Variants in MEGF9 observed in about 807,000 individuals in gnomAD.
MEGF9 encodes multiple epidermal growth factor-like domains protein 9.
Under a neutral mutation model 46.8 loss-of-function variants are expected in MEGF9, and 6 were observed. The observed-to-expected ratio is 0.13, with a 90% CI of 0.07 to 0.25. The LOEUF (loss-of-function observed/expected upper bound fraction) is 0.25. Among genes scored for constraint, MEGF9 ranks in the 10% least tolerant of loss-of-function variants. MEGF9 has a pLI of 1.00. For missense variants in MEGF9, 683 were observed against 792.4 expected (o/e 0.86, Z 1.66); for synonymous variants, 302 against 330.7 (o/e 0.91, Z 0.94).
At chr9:120,709,186 G>A (rs959390020) in intron 1 of MEGF9, among the ~76,000 whole-genome samples, 5 of 152,222 alleles carry the variant, frequency 3.3e-5, no homozygotes, top group Middle Eastern at 3.4e-3. Flanking sequence ...CAGCACTTTC[G>A]GAGGCTGAAG....
intron 1 of MEGF9, among the ~76,000 whole-genome samples, chr9:120,662,739 T>C (rs2043708253): frequency 6.6e-6 from 1 of 152,216 alleles, no homozygotes; most frequent in Admixed American, 6.5e-5. Context: ...ATAAATGCAA[T>C]TCAGATGTTA....
At chr9:120,690,719 A>G (rs2043844436) in intron 1 of MEGF9, among the ~76,000 whole-genome samples, 1 of 152,148 alleles carries the variant, frequency 6.6e-6, no homozygotes, top group South Asian at 2.1e-4. Flanking sequence ...AGTTGTTTTC[A>G]TAGTTGCAAC....
intron 3 of MEGF9, among the ~76,000 whole-genome samples, chr9:120,620,814 G>C (rs2043496150): frequency 6.7e-6 from 1 of 150,078 alleles, no homozygotes; most frequent in Non-Finnish European, 1.5e-5. Flanking sequence ...AACGCCACAA[G>C]ATAAAACTGG....
rs1268813471 is a variant in MEGF9 at position 120,714,280 on chromosome 9, C to T, written c.79G>A (p.Ala27Thr). The T allele has an allele frequency of 1.6e-6, 2 of 1,251,638 alleles. No individual in the cohort carries two copies. Among genetic ancestry groups the T allele is most frequent in the Non-Finnish European group, 2.0e-6 (2 of 999,160 alleles). The allele number at this position is 1,251,638 out of a possible 1,614,324, so 77.5% of individuals were successfully genotyped here. A position where few individuals can be genotyped will look rare whatever the true frequency, so the allele number is the denominator to read the frequency against. Residue 27 changes from alanine to threonine, a missense_variant, in exon 1 of 6, where the codon GCC becomes ACC. Ala to Thr is a moderately conservative substitution (Grantham distance 58). Coordinates refer to ENST00000373930, the MANE Select transcript of MEGF9 (RefSeq NM_001080497.3). ...GCTGAGGCGACGGCGGCGGCGGCGGCGGCGGCGGCGCAGCACAACAGGGCG... is the reference window on the plus strand; with the variant it reads ...GCTGAGGCGACGGCGGCGGCGGCGGTGGCGGCGGCGCAGCACAACAGGGCG... ...GLALLCCAAA[A>T]AAAAVASAAS...
At chr9:120,659,278 C>T (rs10984974) in intron 2 of MEGF9, 96 bp downstream of exon 2, 576,578 of 856,198 alleles carry the variant, frequency 0.67, 200,085 homozygotes, top group South Asian at 0.75. Flanking sequence ...ACCCTCATCC[C>T]CCTTTGTTTA....
At chr9:120,674,780 G>C (rs1021317033) in intron 1 of MEGF9, among the ~76,000 whole-genome samples, 1 of 152,054 alleles carries the variant, frequency 6.6e-6, no homozygotes, top group Admixed American at 6.6e-5. Context: ...ATGTTGGCCA[G>C]GCTGGTCTCA....
At chr9:120,709,875 C>T (rs2043945142) in intron 1 of MEGF9, among the ~76,000 whole-genome samples, 1 of 148,548 alleles carries the variant, frequency 6.7e-6, no homozygotes, top group South Asian at 2.2e-4. Flanking sequence ...ATGGTGAAAC[C>T]CCATCTCTAC....
intron 3 of MEGF9, among the ~76,000 whole-genome samples, chr9:120,616,922 C>T (rs768168250): frequency 1.3e-5 from 2 of 152,128 alleles, no homozygotes. Context: ...ATTTCTTCAT[C>T]TGTAAATTTT....
chr9:120,658,967 G>A (rs1354985346), intron 2 of MEGF9, among the ~76,000 whole-genome samples: 1 of 152,134 alleles, frequency 6.6e-6, no homozygotes, highest in Non-Finnish European at 1.5e-5. Context: ...GTAGAATTTT[G>A]ATTAGAGAGA....
At chr9:120,622,417 C>CTTTTTTTTTTTTTTTTTTTTTTTTTT (rs59380409) in intron 3 of MEGF9, among the ~76,000 whole-genome samples, 199 bp downstream of exon 3, 13 of 101,180 alleles carry the variant, frequency 1.3e-4, no homozygotes, top group Non-Finnish European at 2.0e-4. Flanking sequence ...AGGTATATGA[C>CTTTTTTTTTTTTTTTTTTTTTTTTTT]TTTTTTTTTT....
intron 2 of MEGF9, among the ~76,000 whole-genome samples, chr9:120,639,745 G>C (rs945322728): frequency 6.6e-6 from 1 of 151,842 alleles, no homozygotes; most frequent in Non-Finnish European, 1.5e-5. Flanking sequence ...CCTAAGTGTT[G>C]CTATTATTTT....
intron 1 of MEGF9, chr9:120,690,103 A>G: frequency 9.3e-6 from 4 of 429,988 alleles, no homozygotes; most frequent in South Asian, 5.2e-5. Context: ...TGGAAAGCCC[A>G]GGGGAATAAA....
At chr9:120,620,772 A>G (rs1427738968) in intron 3 of MEGF9, among the ~76,000 whole-genome samples, 2 of 152,186 alleles carry the variant, frequency 1.3e-5, no homozygotes, top group Admixed American at 1.3e-4. Flanking sequence ...AATAAAAGCC[A>G]GTCTGACTGG....
intron 1 of MEGF9, among the ~76,000 whole-genome samples, chr9:120,684,429 CT>C (rs149090138): frequency 0.015 from 2,259 of 152,226 alleles, 63 homozygotes; most frequent in African/African-American, 0.049. Flanking sequence ...AAAATAACTA[CT>C]TTTTTCTTTC....
rs527568551 is a variant in MEGF9 at position 120,657,028 on chromosome 9, G to A, written c.803+2346C>T. 1.8e-4 allele frequency among the ~76,000 whole-genome samples: 28 copies of A among 152,164 alleles called. No individual in the cohort carries two copies. In the South Asian group the frequency reaches 2.1e-3, roughly 11 times the overall value. On this transcript the variant is annotated intron_variant, in intron 2 of 5. Transcript: ENST00000373930. ...ATATAAACCACCATATAAACCAGGC[G>A]TGGGTAAACTTTTTCCAAAAAGGCC... is the stretch of plus-strand genomic sequence containing the variant.
Position 120,640,088 on chromosome 9 carries a change from T to G in MEGF9, c.804-17333A>C, listed in dbSNP as rs1477763421. Among the ~76,000 whole-genome samples the G allele has an allele frequency of 3.9e-5, 6 of 152,348 alleles. No individual in the cohort carries two copies. The South Asian group carries it at 1.0e-3, about 26-fold the overall frequency. ...TATAGCTTTACCTCTCTCCAATGTT[T>G]CTGTATAAAAACTTTGGAAAATATA... is the stretch of plus-strand genomic sequence containing the variant. On this transcript the variant is annotated intron_variant, in intron 2 of 5. Coordinates refer to ENST00000373930, the MANE Select transcript of MEGF9 (RefSeq NM_001080497.3).
chr9:120,655,202 C>T (rs944785644), intron 2 of MEGF9, among the ~76,000 whole-genome samples: 16 of 152,170 alleles, frequency 1.1e-4, no homozygotes, highest in Non-Finnish European at 1.6e-4. Flanking sequence ...CTGACTCACC[C>T]AGACCAACCA....
chr9:120,673,085 T>C (rs961287509), intron 1 of MEGF9, among the ~76,000 whole-genome samples: 3 of 152,236 alleles, frequency 2.0e-5, no homozygotes, highest in African/African-American at 4.8e-5. Flanking sequence ...ACTGTATTTC[T>C]ATGTGTTATG....
intron 1 of MEGF9, among the ~76,000 whole-genome samples, chr9:120,697,211 T>G (rs1019514516): frequency 1.1e-4 from 17 of 152,330 alleles, no homozygotes; most frequent in African/African-American, 3.8e-4. Context: ...GCTTCCCAAG[T>G]AGCTGGGAAT....
Sources: allele counts gnomAD v4.1 joint callset (sites outside exome capture counted in the v4.1 genomes callset), GRCh38; gene constraint gnomAD v4.1.1; transcripts MANE v1.5; gene names NCBI Gene and HGNC (gene_info 2026-07-23, HGNC 2026-07-21).